The following PDE4D variants were observed in gnomAD, a reference collection of about 807,000 sequenced individuals.
The protein encoded by PDE4D is phosphodiesterase 4D, also known as 3',5'-cyclic-AMP phosphodiesterase 4D.
In PDE4D, 24 loss-of-function variants were observed where a neutral mutation model predicts 87.4. The ratio of observed to expected loss-of-function variants is 0.27; its 90% CI spans 0.20 to 0.39. PDE4D has a LOEUF of 0.39. Ranked by LOEUF, PDE4D falls within the 10% of genes least tolerant of loss-of-function variation. The pLI is 1.00. For synonymous variants in PDE4D, 384 were observed against 383.2 expected (o/e 1.00, Z -0.02); for missense variants, 714 against 1,041.0 (o/e 0.69, Z 4.32).
At chr5:60,389,785 C>G (rs1231690182) in intron 1 of PDE4D, among the ~76,000 whole-genome samples, 2 of 152,062 alleles carry the variant, frequency 1.3e-5, no homozygotes, top group African/African-American at 2.4e-5. Context: ...TAGAAGCGAC[C>G]CATTTCTGAA....
intron 3 of PDE4D, chr5:59,988,257 A>C: frequency 2.3e-6 from 1 of 429,542 alleles, no homozygotes; most frequent in Non-Finnish European, 4.1e-6. Context: ...AATGTTTATT[A>C]GCATTCACCA....
chr5:60,052,077 C>T (rs903063112), intron 2 of PDE4D, among the ~76,000 whole-genome samples: 1 of 152,126 alleles, frequency 6.6e-6, no homozygotes, highest in East Asian at 1.9e-4. Flanking sequence ...AGGCCCAGGA[C>T]CAGACAGATT....
chr5:60,329,693 A>G (rs1197296719), intron 1 of PDE4D, among the ~76,000 whole-genome samples: 1 of 152,094 alleles, frequency 6.6e-6, no homozygotes, highest in African/African-American at 2.4e-5. Context: ...TCTTAGGGAG[A>G]TAGGAAGCTT....
intron 1 of PDE4D, among the ~76,000 whole-genome samples, chr5:59,790,917 G>A (rs997723310): frequency 4.6e-5 from 7 of 152,162 alleles, no homozygotes; most frequent in East Asian, 1.9e-4. Flanking sequence ...TGTGCTCAGC[G>A]TGGGTTCTTC....
At chr5:60,459,908 CT>C in intron 1 of PDE4D, 1 of 684,150 alleles carries the variant, frequency 1.5e-6, no homozygotes, top group Non-Finnish European at 2.7e-6. Context: ...TCATCTTCAC[CT>C]TCATCTTCAT....
At chr5:59,968,408 T>C (rs555852500) in intron 3 of PDE4D, among the ~76,000 whole-genome samples, 5 of 152,200 alleles carry the variant, frequency 3.3e-5, no homozygotes, top group Admixed American at 1.3e-4. Flanking sequence ...ATGGGAACAA[T>C]AGACACCATG....
chr5:59,092,334 A>G (rs559438441), intron 5 of PDE4D, among the ~76,000 whole-genome samples: 1 of 152,310 alleles, frequency 6.6e-6, no homozygotes, highest in Non-Finnish European at 1.5e-5. Context: ...ACAAAAGAGT[A>G]AGAGTACAGA....
At chr5:59,534,321 C>T (rs569352588) in intron 1 of PDE4D, among the ~76,000 whole-genome samples, 3 of 152,018 alleles carry the variant, frequency 2.0e-5, no homozygotes, top group Admixed American at 6.5e-5. Context: ...TTTTCCCCTG[C>T]GAGTTAAATA....
At chr5:59,805,634 C>T (rs929622401) in intron 1 of PDE4D, among the ~76,000 whole-genome samples, 2 of 152,200 alleles carry the variant, frequency 1.3e-5, no homozygotes, top group East Asian at 1.9e-4. Context: ...TGGGGTACTG[C>T]TCTCAGTGAA....
At chr5:60,371,781 G>T (rs1056368077) in intron 1 of PDE4D, among the ~76,000 whole-genome samples, 1 of 152,086 alleles carries the variant, frequency 6.6e-6, no homozygotes, top group Admixed American at 6.5e-5. Flanking sequence ...TTTGTATCTG[G>T]ATGCTTTGAT....
At chr5:59,551,039 G>C (rs995262695) in intron 1 of PDE4D, among the ~76,000 whole-genome samples, 3 of 151,994 alleles carry the variant, frequency 2.0e-5, no homozygotes, top group Admixed American at 1.3e-4. Context: ...TGTCTCTTTA[G>C]TAACACTGGA....
intron 1 of PDE4D, among the ~76,000 whole-genome samples, chr5:59,621,866 T>C (rs1830390628): frequency 6.6e-6 from 1 of 152,220 alleles, no homozygotes; most frequent in Non-Finnish European, 1.5e-5. Context: ...AAATTTTCTG[T>C]GCCCAACAAC....
chr5:59,155,630 T>G (rs1430634919), intron 5 of PDE4D, among the ~76,000 whole-genome samples: 2 of 152,102 alleles, frequency 1.3e-5, no homozygotes, highest in African/African-American at 2.4e-5. Flanking sequence ...TTTTTAAGAT[T>G]GTGAGAGACA....
At chr5:59,349,517 T>A (rs1780164865) in intron 1 of PDE4D, among the ~76,000 whole-genome samples, 1 of 152,250 alleles carries the variant, frequency 6.6e-6, no homozygotes, top group Non-Finnish European at 1.5e-5. Flanking sequence ...TGGGGGCTCA[T>A]CCACTTCATG....
chr5:59,439,648 A>G (rs1000285784), intron 1 of PDE4D, among the ~76,000 whole-genome samples: 1 of 152,204 alleles, frequency 6.6e-6, no homozygotes, highest in Non-Finnish European at 1.5e-5. Flanking sequence ...TAAGTAAAAT[A>G]TATAAGAGAA....
intron 1 of PDE4D, among the ~76,000 whole-genome samples, chr5:59,219,705 G>A (rs1752039116): frequency 6.6e-6 from 1 of 152,066 alleles, no homozygotes. Context: ...AGCAAAACAG[G>A]TGGCATCTGT....
At chr5:59,022,177 C>A (rs558545080) in intron 6 of PDE4D, among the ~76,000 whole-genome samples, 1 of 152,294 alleles carries the variant, frequency 6.6e-6, no homozygotes, top group South Asian at 2.1e-4. Context: ...CCGCCACTGA[C>A]CTGTCTGGGA....
intron 5 of PDE4D, among the ~76,000 whole-genome samples, chr5:59,162,673 TA>T (rs752188115): frequency 5.1e-3 from 667 of 131,088 alleles, no homozygotes; most frequent in Middle Eastern, 7.5e-3. Context: ...ATCCTGTCTC[TA>T]AAAAAAAAAA....
intron 2 of PDE4D, among the ~76,000 whole-genome samples, chr5:60,059,038 A>ATGTGTGTGTGTGTGTG (rs1413944284): frequency 8.1e-5 from 4 of 49,296 alleles, no homozygotes; most frequent in Admixed American, 2.4e-4. Context: ...TGGCATTGTC[A>ATGTGTGTGTGTGTGTG]TATGTGTGTG....
Sources: allele counts gnomAD v4.1 joint callset (sites outside exome capture counted in the v4.1 genomes callset), GRCh38; gene constraint gnomAD v4.1.1; transcripts MANE v1.5; gene names NCBI Gene and HGNC (gene_info 2026-07-23, HGNC 2026-07-21).